STXBP4: variants seen among roughly 807,000 people sequenced by gnomAD.
STXBP4 encodes the protein syntaxin-binding protein 4.
Under a neutral mutation model 76.1 loss-of-function variants are expected in STXBP4, and 55 were observed. The observed-to-expected ratio is 0.72, with a 90% CI of 0.58 to 0.91. The LOEUF (loss-of-function observed/expected upper bound fraction) is 0.91, where lower values mean the gene tolerates loss of function less well. STXBP4 is among the 40% of genes least tolerant of loss of function. STXBP4 has a pLI of 0.00. For synonymous variants in STXBP4, 201 were observed against 220.2 expected, an observed-to-expected ratio of 0.91 and a Z score of 0.77; for missense variants, 618 against 636.9, an observed-to-expected ratio of 0.97 and a Z score of 0.32.
intron 8 of STXBP4, among the ~76,000 whole-genome samples, chr17:55,029,761 A>G (rs1245979431): frequency 3.9e-5 from 6 of 152,038 alleles, no homozygotes; most frequent in Non-Finnish European, 8.8e-5. Flanking sequence ...ACATACTTCT[A>G]TTAAATTATG....
rs2080416260 is a variant in STXBP4 at position 55,173,300 on chromosome 17, A to G, written c.*13389A>G. On this transcript the variant is annotated 3_prime_UTR_variant, in exon 18 of 18. Coordinates refer to ENST00000376352, the MANE Select transcript of STXBP4 (RefSeq NM_178509.6). ...GATACAGAACAGTTTTATCATTTCA[A>G]GTGCTCTCCTGCTATGCTTTTATAA... is the stretch of plus-strand genomic sequence containing the variant. 6.6e-6 allele frequency: 1 copy of G among 152,322 alleles called. No homozygotes were observed. Among genetic ancestry groups the G allele is most frequent in the South Asian group, 2.1e-4 (1 of 4,822 alleles). The allele number at this position is 152,322 out of a possible 1,614,324, so 9.4% of individuals were successfully genotyped here.
At chr17:55,141,180 C>A in intron 16 of STXBP4, 130 bp from the exon 17 acceptor site, 2 of 734,304 alleles carry the variant, frequency 2.7e-6, no homozygotes, top group Admixed American at 2.8e-5. Flanking sequence ...CTTAATTCCC[C>A]CTTTCTAGAA....
intron 16 of STXBP4, among the ~76,000 whole-genome samples, chr17:55,095,603 C>T (rs1475080875): frequency 6.6e-6 from 1 of 152,154 alleles, no homozygotes; most frequent in Non-Finnish European, 1.5e-5. Flanking sequence ...CCTTCAACAA[C>T]AGAGTATTAA....
At chr17:55,091,740 A>G (rs1018509790) in intron 16 of STXBP4, among the ~76,000 whole-genome samples, 1 of 152,222 alleles carries the variant, frequency 6.6e-6, no homozygotes, top group African/African-American at 2.4e-5. Context: ...TGATGGTTCA[A>G]TGATCACAAG....
At chr17:55,017,081 T>C (rs918942315) in intron 8 of STXBP4, among the ~76,000 whole-genome samples, 3 of 152,226 alleles carry the variant, frequency 2.0e-5, no homozygotes, top group African/African-American at 4.8e-5. Context: ...TGGAGTGTTA[T>C]AGGGTCACGG....
intron 16 of STXBP4, among the ~76,000 whole-genome samples, chr17:55,125,584 A>T (rs1298405316): frequency 1.3e-5 from 2 of 151,850 alleles, no homozygotes; most frequent in Admixed American, 6.6e-5. Flanking sequence ...CCAACATAGG[A>T]TAAGTTTCCT....
At position 54,977,867 on chromosome 17, in the gene STXBP4, T is replaced by C. The variant is rs77920481; in HGVS notation, c.-156-7747T>C. 5.2e-3 allele frequency among the ~76,000 whole-genome samples: 790 copies of C among 152,318 alleles called. 4 individuals carry two copies. Among genetic ancestry groups the C allele is most frequent in the Non-Finnish European group, 8.1e-3 (553 of 68,028 alleles). ...AAATATTTACATTTTTAATATTAGC[T>C]TTAGTGAATAAATAAATAGTAGGCA... is the stretch of plus-strand genomic sequence containing the variant. On this transcript the variant is annotated intron_variant, in intron 1 of 17. Coordinates refer to ENST00000376352, the MANE Select transcript of STXBP4 (RefSeq NM_178509.6).
chr17:55,206,939 A>G, the STXBP4 span, among the ~76,000 whole-genome samples: 2 of 151,600 alleles, frequency 1.3e-5, no homozygotes, highest in Non-Finnish European at 2.9e-5. Context: ...TGATAATCCC[A>G]TCTGTCATGA....
intron 12 of STXBP4, among the ~76,000 whole-genome samples, chr17:55,062,386 A>T (rs2079004864): frequency 6.6e-6 from 1 of 152,104 alleles, no homozygotes; most frequent in South Asian, 2.1e-4. Flanking sequence ...GATAATTTCC[A>T]GCTTCATCCA....
intron 15 of STXBP4, among the ~76,000 whole-genome samples, chr17:55,079,708 T>A (rs898147675): frequency 9.2e-5 from 14 of 151,952 alleles, no homozygotes; most frequent in Non-Finnish European, 1.9e-4. Context: ...CTCTAGGAGA[T>A]TGAGGCTGCA....
At chr17:55,042,114 A>G (rs577338016) in intron 10 of STXBP4, among the ~76,000 whole-genome samples, 16 of 152,256 alleles carry the variant, frequency 1.1e-4, no homozygotes, top group Admixed American at 2.6e-4. Context: ...GTTCTCCCCA[A>G]ATATGAAGAA....
chr17:55,206,686 A>C, the STXBP4 span, among the ~76,000 whole-genome samples: 1 of 151,846 alleles, frequency 6.6e-6, no homozygotes, highest in Non-Finnish European at 1.5e-5. Context: ...GTGAAACCCC[A>C]TCTCTACTAA....
chr17:55,003,223 A>G (rs914920276), intron 7 of STXBP4, among the ~76,000 whole-genome samples: 2 of 152,238 alleles, frequency 1.3e-5, no homozygotes, highest in Admixed American at 1.3e-4. Context: ...AGGTGTGATT[A>G]GAGCAGAGAT....
Position 55,167,580 on chromosome 17 carries a change from C to G in STXBP4, c.*7669C>G, listed in dbSNP as rs971436160. 2 of 152,122 alleles carry G rather than the reference C, an allele frequency of 1.3e-5. No individual in the cohort carries two copies. Among genetic ancestry groups the G allele is most frequent in the African/African-American group, 4.8e-5 (2 of 41,406 alleles). 9.4% of individuals were successfully genotyped at this position (152,122 alleles called of 1,614,324 possible). ...CATACTCACACATTGTTGATTTGCCCAAGGTTCTGAAGAAATACCACAGAA... is the reference window on the plus strand; with the variant it reads ...CATACTCACACATTGTTGATTTGCCGAAGGTTCTGAAGAAATACCACAGAA... On this transcript the variant is annotated 3_prime_UTR_variant, in exon 18 of 18. Coordinates refer to ENST00000376352, the MANE Select transcript of STXBP4 (RefSeq NM_178509.6).
chr17:55,028,617 T>C (rs79065710), intron 8 of STXBP4, among the ~76,000 whole-genome samples: 3,177 of 152,264 alleles, frequency 0.021, 86 homozygotes, highest in East Asian at 0.15. Context: ...AGCTGGAAGA[T>C]AGAGACCAAA....
the STXBP4 span, among the ~76,000 whole-genome samples, chr17:55,187,620 G>C: frequency 6.6e-6 from 1 of 152,112 alleles, no homozygotes; most frequent in African/African-American, 2.4e-5. Flanking sequence ...CGCTGACAAA[G>C]CTTCCTCCCA....
the STXBP4 span, among the ~76,000 whole-genome samples, chr17:55,209,471 C>A: frequency 2.6e-5 from 4 of 152,186 alleles, no homozygotes; most frequent in Non-Finnish European, 4.4e-5. Context: ...GCTGGGGAGT[C>A]AGAGTCAAGC....
chr17:55,017,236 G>A (rs2078224071), intron 8 of STXBP4, among the ~76,000 whole-genome samples: 1 of 151,954 alleles, frequency 6.6e-6, no homozygotes, highest in Non-Finnish European at 1.5e-5. Context: ...CTCTCTGCCT[G>A]TTTCTCTCCT....
chr17:55,211,073 T>C, the STXBP4 span, among the ~76,000 whole-genome samples: 1 of 151,996 alleles, frequency 6.6e-6, no homozygotes, highest in Non-Finnish European at 1.5e-5. Context: ...TTAAAACTTT[T>C]AGGACTTTTA....
Sources: allele counts gnomAD v4.1 joint callset (sites outside exome capture counted in the v4.1 genomes callset), GRCh38; gene constraint gnomAD v4.1.1; transcripts MANE v1.5; gene names NCBI Gene and HGNC (gene_info 2026-07-23, HGNC 2026-07-21).